The following DYNC1I1 variants were observed in gnomAD, a reference collection of about 807,000 sequenced individuals.
The protein encoded by DYNC1I1 is dynein cytoplasmic 1 intermediate chain 1, also known as cytoplasmic dynein 1 intermediate chain 1.
A neutral mutation model predicts 86.6 loss-of-function variants in DYNC1I1; 43 were observed. That is an observed-to-expected ratio of 0.50 (90% CI 0.39 to 0.64). The LOEUF (loss-of-function observed/expected upper bound fraction) is 0.64. Among genes scored for constraint, DYNC1I1 ranks in the 30% least tolerant of loss-of-function variants. The pLI is 0.00. For missense variants in DYNC1I1, 604 were observed against 788.8 expected (o/e 0.77, Z 2.81); for synonymous variants, 262 against 283.7 (o/e 0.92, Z 0.77).
At chr7:96,099,155 C>T (rs367998691), downstream of DYNC1I1, among the ~76,000 whole-genome samples, 8 of 152,144 alleles carry the variant, frequency 5.3e-5, no homozygotes, top group East Asian at 1.2e-3. Flanking sequence ...AAATGCAAAA[C>T]GCGTGCATTA....
intron 14 of DYNC1I1, among the ~76,000 whole-genome samples, chr7:96,062,780 A>C (rs1193381610): frequency 6.6e-6 from 1 of 152,228 alleles, no homozygotes; most frequent in African/African-American, 2.4e-5. Context: ...TAAAATAAAA[A>C]GAAGTCTGCA....
chr7:96,025,425 GA>G (rs1356603582), intron 10 of DYNC1I1, among the ~76,000 whole-genome samples: 1 of 149,430 alleles, frequency 6.7e-6, no homozygotes, highest in Non-Finnish European at 1.5e-5. Flanking sequence ...CTTCCAAACA[GA>G]AAATGAAAAA....
chr7:95,856,413 C>T (rs562541642), intron 5 of DYNC1I1, among the ~76,000 whole-genome samples: 2 of 152,100 alleles, frequency 1.3e-5, no homozygotes, highest in Non-Finnish European at 2.9e-5. Flanking sequence ...TGTCGATGGC[C>T]GTTTCTTTTT....
At chr7:96,065,265 G>A (rs1261524820) in intron 14 of DYNC1I1, among the ~76,000 whole-genome samples, 1 of 151,748 alleles carries the variant, frequency 6.6e-6, no homozygotes, top group Non-Finnish European at 1.5e-5. Flanking sequence ...GCTTTGTCTA[G>A]GTCCTCTCCA....
chr7:95,910,032 A>G (rs1196695696), intron 6 of DYNC1I1, among the ~76,000 whole-genome samples: 1 of 152,186 alleles, frequency 6.6e-6, no homozygotes, highest in Non-Finnish European at 1.5e-5. Context: ...AGGCCACTGC[A>G]AGAATCTCCT....
intron 1 of DYNC1I1, among the ~76,000 whole-genome samples, chr7:95,777,124 C>T (rs753241047): frequency 6.6e-6 from 1 of 152,118 alleles, no homozygotes; most frequent in Non-Finnish European, 1.5e-5. Context: ...GACTAAGAGT[C>T]CCTCAAGAAA....
At chr7:95,980,662 T>G (rs1793436426) in intron 7 of DYNC1I1, among the ~76,000 whole-genome samples, 1 of 151,442 alleles carries the variant, frequency 6.6e-6, no homozygotes, top group Admixed American at 6.6e-5. Flanking sequence ...CAAAGTGCAT[T>G]AAACACTAAA....
At chr7:95,970,266 A>G (rs944913311) in intron 6 of DYNC1I1, among the ~76,000 whole-genome samples, 3 of 152,146 alleles carry the variant, frequency 2.0e-5, no homozygotes, top group African/African-American at 4.8e-5. Flanking sequence ...TGCTGCTTGG[A>G]CTATGGCTAT....
chr7:96,019,498 G>C (rs1794489543), intron 10 of DYNC1I1, among the ~76,000 whole-genome samples: 1 of 152,040 alleles, frequency 6.6e-6, no homozygotes, highest in African/African-American at 2.4e-5. Flanking sequence ...AATTGGTATA[G>C]GATGTGGCCT....
chr7:95,798,698 A>G (rs1376030041), intron 1 of DYNC1I1, among the ~76,000 whole-genome samples: 1 of 152,204 alleles, frequency 6.6e-6, no homozygotes, highest in Non-Finnish European at 1.5e-5. Context: ...ACGGCTGCCA[A>G]CTTAGACAAC....
At chr7:95,981,712 T>G (rs571168338) in intron 7 of DYNC1I1, among the ~76,000 whole-genome samples, 2 of 152,222 alleles carry the variant, frequency 1.3e-5, no homozygotes, top group African/African-American at 4.8e-5. Flanking sequence ...ATGTTTTGTG[T>G]TGTGAAAACA....
Position 95,903,346 on chromosome 7 carries a change from G to A in DYNC1I1, c.490+33348G>A, listed in dbSNP as rs1791089480. Among the ~76,000 whole-genome samples, 4 of 152,294 alleles carry A rather than the reference G, an allele frequency of 2.6e-5. No homozygotes were observed. The South Asian group carries it at 6.2e-4, about 24-fold the overall frequency. Reference sequence around the variant, plus strand: ...ATGCTTCCAACTTATTTAGGGAAGTGTTCATTTTAAGAGTGTGGCACCTTG... The same window carrying A: ...ATGCTTCCAACTTATTTAGGGAAGTATTCATTTTAAGAGTGTGGCACCTTG... On this transcript the variant is annotated intron_variant, in intron 6 of 16. Coordinates refer to ENST00000447467, the MANE Select transcript of DYNC1I1 (RefSeq NM_001135556.2).
intron 14 of DYNC1I1, among the ~76,000 whole-genome samples, chr7:96,041,295 G>A (rs1307865461): frequency 6.6e-6 from 1 of 152,138 alleles, no homozygotes; most frequent in Non-Finnish European, 1.5e-5. Flanking sequence ...CCAACTATCA[G>A]ATTGACAAAA....
exon 17 of DYNC1I1, chr7:96,109,980 G>A (rs1016038900): frequency 1.6e-5 from 6 of 367,880 alleles, no homozygotes; most frequent in African/African-American, 1.1e-4. Flanking sequence ...TGGACACAGG[G>A]TCTTGCTATG....
rs779096551 is a variant in DYNC1I1 at position 95,954,696 on chromosome 7, G to A, written c.491-22816G>A. On this transcript the variant is annotated intron_variant, in intron 6 of 16. Transcript: ENST00000447467. The stretch of plus-strand genomic sequence containing the variant: ...TGGGAGTCTGAGGCAGGCGGATCAC[G>A]AGGTCAGGAGATTGAGATCATCCTG... Among the ~76,000 whole-genome samples the A allele has an allele frequency of 2.0e-5, 3 of 152,070 alleles. No individual in the cohort carries two copies. In the South Asian group the frequency reaches 6.2e-4, roughly 32 times the overall value.
At chr7:95,900,646 A>G (rs1166958230) in intron 6 of DYNC1I1, among the ~76,000 whole-genome samples, 1 of 152,152 alleles carries the variant, frequency 6.6e-6, no homozygotes, top group Non-Finnish European at 1.5e-5. Context: ...GTTAGGGAAA[A>G]TACGAGGGTT....
chr7:96,088,262 A>T (rs974334734), intron 16 of DYNC1I1, among the ~76,000 whole-genome samples: 1 of 152,178 alleles, frequency 6.6e-6, no homozygotes, highest in African/African-American at 2.4e-5. Context: ...TAGTTGATTC[A>T]ATGAAAAGAA....
chr7:95,880,972 T>A (rs978687642), intron 6 of DYNC1I1, among the ~76,000 whole-genome samples: 3 of 152,210 alleles, frequency 2.0e-5, no homozygotes, highest in Non-Finnish European at 2.9e-5. Context: ...TCCATTTTTT[T>A]ATCTTTCCCT....
chr7:95,916,794 GA>G (rs1791481278), intron 6 of DYNC1I1, among the ~76,000 whole-genome samples: 1 of 152,154 alleles, frequency 6.6e-6, no homozygotes, highest in African/African-American at 2.4e-5. Flanking sequence ...TTACTTTTTA[GA>G]AAACTGCTCA....
Sources: gnomAD v4.1 joint callset for allele counts (sites outside exome capture counted in the v4.1 genomes callset) on GRCh38, gnomAD v4.1.1 for gene constraint, MANE v1.5 for transcripts, NCBI Gene and HGNC (gene_info 2026-07-23, HGNC 2026-07-21) for gene names.